Variants in SAMSN1 observed in about 807,000 individuals in gnomAD.
SAMSN1 encodes the protein SAM domain-containing protein SAMSN-1.
In SAMSN1, 31 loss-of-function variants were observed where a neutral mutation model predicts 42.0. The ratio of observed to expected loss-of-function variants is 0.74; its 90% CI spans 0.55 to 1.00. SAMSN1 has a LOEUF of 1.00. Ranked by LOEUF, SAMSN1 falls within the 50% of genes least tolerant of loss-of-function variation. SAMSN1 has a pLI of 0.00. For missense variants in SAMSN1, 464 were observed against 439.4 expected, an observed-to-expected ratio of 1.06 and a Z score of -0.50; for synonymous variants, 178 against 151.9, an observed-to-expected ratio of 1.17 and a Z score of -1.26.
intron 2 of SAMSN1, among the ~76,000 whole-genome samples, chr21:14,570,969 G>C (rs139972714): frequency 6.6e-6 from 1 of 152,114 alleles, no homozygotes; most frequent in Non-Finnish European, 1.5e-5. Context: ...CCACATCTCC[G>C]TGTTTTCTCT....
intron 1 of SAMSN1, among the ~76,000 whole-genome samples, chr21:14,545,252 C>T (rs1327265497): frequency 6.6e-6 from 1 of 151,984 alleles, no homozygotes; most frequent in Non-Finnish European, 1.5e-5. Flanking sequence ...TGTTCAATGT[C>T]TCATCAATTC....
At chr21:14,649,769 C>CA (rs1983796387) in intron 1 of SAMSN1, among the ~76,000 whole-genome samples, 1 of 85,312 alleles carries the variant, frequency 1.2e-5, no homozygotes, top group South Asian at 3.9e-4. Flanking sequence ...GACACTGTCT[C>CA]AAAACACACA....
chr21:14,640,737 A>T (rs1983574716), intron 2 of SAMSN1, among the ~76,000 whole-genome samples: 1 of 152,108 alleles, frequency 6.6e-6, no homozygotes, highest in Non-Finnish European at 1.5e-5. Flanking sequence ...AGTATTAATA[A>T]TACTTTGATG....
At chr21:14,510,575 G>T (rs1216014168) in intron 4 of SAMSN1, 114 bp from the exon 5 acceptor site, 2 of 1,225,622 alleles carry the variant, frequency 1.6e-6, no homozygotes, top group East Asian at 4.8e-5. Flanking sequence ...GGCTCCTGAG[G>T]AAGTTCTAAT....
chr21:14,538,240 ATATCATGTATT>A (rs1211835737), intron 1 of SAMSN1, among the ~76,000 whole-genome samples: 36 of 152,306 alleles, frequency 2.4e-4, no homozygotes, highest in African/African-American at 8.7e-4. Flanking sequence ...CCTACATTTT[ATATCATGTATT>A]TTATTCCAGA....
chr21:14,549,775 A>G (rs555325201), upstream of SAMSN1, among the ~76,000 whole-genome samples: 1 of 152,106 alleles, frequency 6.6e-6, no homozygotes, highest in Non-Finnish European at 1.5e-5. Context: ...CATAAAAGTA[A>G]CTTAACCTTG....
At chr21:14,543,094 G>A (rs1421767071) in intron 1 of SAMSN1, among the ~76,000 whole-genome samples, 1 of 152,186 alleles carries the variant, frequency 6.6e-6, no homozygotes, top group East Asian at 1.9e-4. Context: ...TCTGTATACA[G>A]TAGAGAGTTC....
chr21:14,652,318 G>T (rs1031264242), intron 1 of SAMSN1, among the ~76,000 whole-genome samples: 16 of 152,034 alleles, frequency 1.1e-4, no homozygotes, highest in Admixed American at 9.2e-4. Context: ...AACCTAAACA[G>T]AATGGTGCTG....
chr21:14,584,543 T>C (rs557314460), upstream of SAMSN1, among the ~76,000 whole-genome samples: 10 of 152,214 alleles, frequency 6.6e-5, no homozygotes, highest in Non-Finnish European at 1.0e-4. Flanking sequence ...TAGTTCCTCT[T>C]AAGGATTTCA....
chr21:14,543,408 CTT>C (rs1980171858), intron 1 of SAMSN1, among the ~76,000 whole-genome samples: 1 of 152,088 alleles, frequency 6.6e-6, no homozygotes, highest in Non-Finnish European at 1.5e-5. Flanking sequence ...TGGACTTACT[CTT>C]TTTAAATTCA....
At chr21:14,553,028 T>C (rs959905241) in intron 2 of SAMSN1, among the ~76,000 whole-genome samples, 1 of 152,068 alleles carries the variant, frequency 6.6e-6, no homozygotes, top group African/African-American at 2.4e-5. Flanking sequence ...CAACTCTTTT[T>C]CTGATCCTTC....
At chr21:14,500,766 T>G (rs542994594) in intron 5 of SAMSN1, 31 bp from the exon 6 acceptor site, 1 of 1,518,866 alleles carries the variant, frequency 6.6e-7, no homozygotes, top group Admixed American at 1.7e-5. Context: ...ACACATTAGA[T>G]TTCAGAGAAC....
upstream of SAMSN1, among the ~76,000 whole-genome samples, chr21:14,547,014 T>G (rs116258372): frequency 1.9e-3 from 294 of 152,226 alleles, 1 homozygote; most frequent in African/African-American, 6.7e-3. Flanking sequence ...ATAAACACAG[T>G]TAGAAGATAA....
intron 5 of SAMSN1, among the ~76,000 whole-genome samples, chr21:14,506,957 A>C (rs970791078): frequency 1.2e-4 from 18 of 152,334 alleles, no homozygotes; most frequent in African/African-American, 4.1e-4. Context: ...TGATCATCTC[A>C]ATAGATGCAG....
rs144653853 is a variant in SAMSN1, at chr21:14,500,820, A to T, written c.562-85T>A. On this transcript the variant is annotated intron_variant, in intron 5 of 7. Coordinates refer to ENST00000400566, the MANE Select transcript of SAMSN1 (RefSeq NM_022136.5). ...GAAATCATAGAAAACTAGAATAATG[A>T]GGACATTATGCTAAAGGGGTTCAGA... 5.2e-4 allele frequency: 539 copies of T among 1,044,024 alleles called. 7 individuals carry two copies. In the East Asian group the frequency reaches 0.01, roughly 20 times the overall value. 64.7% of individuals were successfully genotyped at this position (1,044,024 alleles called of 1,614,324 possible).
At chr21:14,534,930 A>G (rs1481185574) in intron 1 of SAMSN1, among the ~76,000 whole-genome samples, 2 of 152,038 alleles carry the variant, frequency 1.3e-5, no homozygotes, top group Non-Finnish European at 2.9e-5. Flanking sequence ...CTAATACACT[A>G]CCCTGGGGTA....
chr21:14,524,667 T>C (rs1029547960), intron 1 of SAMSN1, among the ~76,000 whole-genome samples: 2 of 152,196 alleles, frequency 1.3e-5, no homozygotes, highest in African/African-American at 4.8e-5. Flanking sequence ...ATATTCACTG[T>C]AGCACTTTTA....
intron 1 of SAMSN1, among the ~76,000 whole-genome samples, chr21:14,536,676 A>G (rs1242487556): frequency 6.6e-6 from 1 of 152,038 alleles, no homozygotes; most frequent in Non-Finnish European, 1.5e-5. Flanking sequence ...GGAAAATTAT[A>G]TGTTTAAGAA....
At chr21:14,627,137 G>A (rs1983200653) in intron 2 of SAMSN1, among the ~76,000 whole-genome samples, 1 of 152,074 alleles carries the variant, frequency 6.6e-6, no homozygotes, top group Non-Finnish European at 1.5e-5. Context: ...TGGGGTGGGG[G>A]TAGGGGGAAG....
Sources: gnomAD v4.1 joint callset for allele counts (sites outside exome capture counted in the v4.1 genomes callset) on GRCh38, gnomAD v4.1.1 for gene constraint, MANE v1.5 for transcripts, NCBI Gene and HGNC (gene_info 2026-07-23, HGNC 2026-07-21) for gene names.